The following PCDHA9 variants were observed in gnomAD, a reference collection of about 807,000 sequenced individuals.
PCDHA9 encodes protocadherin alpha-9.
A neutral mutation model predicts 62.0 loss-of-function variants in PCDHA9; 62 were observed. That is an observed-to-expected ratio of 1.00 (90% confidence interval 0.81 to 1.23). PCDHA9 has a LOEUF of 1.23. Ranked by LOEUF, PCDHA9 falls within the 50% of genes most tolerant of loss-of-function variation. The pLI is 0.00. For synonymous variants in PCDHA9, 557 were observed against 567.6 expected, an observed-to-expected ratio of 0.98 and a Z score of 0.27; for missense variants, 1,205 against 1,249.8, an observed-to-expected ratio of 0.96 and a Z score of 0.54.
At chr5:140,960,440 T>C (rs1304890095) in intron 1 of PCDHA9, among the ~76,000 whole-genome samples, 1 of 152,164 alleles carries the variant, frequency 6.6e-6, no homozygotes, top group Admixed American at 6.5e-5. Flanking sequence ...ACTCTAGATA[T>C]ATGTATGGAT....
At chr5:140,994,848 T>C (rs1453646097) in intron 3 of PCDHA9, among the ~76,000 whole-genome samples, 2 of 151,686 alleles carry the variant, frequency 1.3e-5, no homozygotes, top group East Asian at 3.9e-4. Flanking sequence ...ATAAGATGAG[T>C]GCATTTGATG....
At chr5:140,852,630 T>C in intron 1 of PCDHA9, 1 of 954,540 alleles carries the variant, frequency 1.0e-6, no homozygotes, top group Non-Finnish European at 1.3e-6. Context: ...GTCTCTGAGC[T>C]CCTGTCATTA....
At chr5:140,926,772 G>A in intron 1 of PCDHA9, 1 of 1,380,738 alleles carries the variant, frequency 7.2e-7, no homozygotes, top group Non-Finnish European at 9.4e-7. Context: ...CCAGCCCGCA[G>A]CAGTGACGGC....
intron 1 of PCDHA9, among the ~76,000 whole-genome samples, chr5:140,888,841 C>T (rs2062001270): frequency 1.3e-5 from 2 of 151,998 alleles, no homozygotes; most frequent in Admixed American, 1.3e-4. Flanking sequence ...CCACTGCAGC[C>T]TGGTGACAGA....
rs551967990 is a variant in PCDHA9 at position 140,858,294 on chromosome 5, C to G, written c.2394+7405C>G. ...AGCGCGGTGGGGAGCTGGTCTTACTCGCAGCAGAGGCGGCAGAGGGTGTGT... is the reference window on the plus strand; with the variant it reads ...AGCGCGGTGGGGAGCTGGTCTTACTGGCAGCAGAGGCGGCAGAGGGTGTGT... On this transcript the variant is annotated intron_variant, in intron 1 of 3. Transcript: ENST00000532602. 3 of 1,597,466 alleles carry G rather than the reference C, an allele frequency of 1.9e-6. No individual in the cohort carries two copies. The African/African-American group carries it at 4.0e-5, about 21-fold the overall frequency.
intron 1 of PCDHA9, among the ~76,000 whole-genome samples, chr5:140,941,207 CT>C (rs880001940): frequency 0.13 from 13,079 of 103,138 alleles, 665 homozygotes; most frequent in African/African-American, 0.21. Context: ...TTCTTCCTTT[CT>C]TTCTTCCTTT....
chr5:140,928,835 C>G (rs782027566), intron 1 of PCDHA9: 1 of 1,614,036 alleles, frequency 6.2e-7, no homozygotes, highest in African/African-American at 1.3e-5. Context: ...CCACTTTCCT[C>G]CTCTGTCACT....
At chr5:140,908,348 T>C (rs977122453) in intron 1 of PCDHA9, among the ~76,000 whole-genome samples, 43 of 152,160 alleles carry the variant, frequency 2.8e-4, no homozygotes, top group Non-Finnish European at 5.3e-4. Flanking sequence ...CACTACCTCA[T>C]GTAACTTACT....
At chr5:140,870,836 A>C in intron 1 of PCDHA9, 1 of 1,613,796 alleles carries the variant, frequency 6.2e-7, no homozygotes, top group Non-Finnish European at 8.5e-7. Flanking sequence ...GCAGTTAACA[A>C]GCTAGTACCG....
chr5:141,007,395 C>CAAAAAAA (rs35800918), intron 3 of PCDHA9, among the ~76,000 whole-genome samples: 1,149 of 94,062 alleles, frequency 0.012, no homozygotes, highest in African/African-American at 0.016. Flanking sequence ...TACTAAAATA[C>CAAAAAAA]AAAAAAAAAA....
At chr5:140,876,532 T>C in intron 1 of PCDHA9, 4 of 1,614,158 alleles carry the variant, frequency 2.5e-6, no homozygotes, top group Middle Eastern at 1.6e-4. Context: ...AATGGTTACT[T>C]CACTGTCGCT....
At chr5:140,878,264 T>G (rs577205816) in intron 1 of PCDHA9, among the ~76,000 whole-genome samples, 83 of 152,314 alleles carry the variant, frequency 5.4e-4, no homozygotes, top group African/African-American at 1.9e-3. Flanking sequence ...TGCTTAGGCT[T>G]TTAAAATAGC....
intron 3 of PCDHA9, among the ~76,000 whole-genome samples, chr5:141,003,476 C>G (rs555987176): frequency 1.3e-3 from 191 of 152,130 alleles, no homozygotes; most frequent in African/African-American, 4.3e-3. Context: ...CACAGTCTCG[C>G]TAATTTTTAT....
intron 1 of PCDHA9, among the ~76,000 whole-genome samples, chr5:140,907,337 A>G (rs2073315694): frequency 6.6e-6 from 1 of 152,210 alleles, no homozygotes; most frequent in Non-Finnish European, 1.5e-5. Flanking sequence ...TTCCATATGC[A>G]TGAGCCCGCT....
intron 1 of PCDHA9, chr5:140,882,232 T>C: frequency 1.9e-6 from 3 of 1,575,806 alleles, no homozygotes; most frequent in African/African-American, 1.4e-5. Context: ...AGGCGTTGTA[T>C]ATATTGCAGA....
At chr5:140,914,962 T>C (rs1301307235) in intron 1 of PCDHA9, among the ~76,000 whole-genome samples, 2 of 136,964 alleles carry the variant, frequency 1.5e-5, no homozygotes, top group Non-Finnish European at 3.2e-5. Flanking sequence ...TTTTTTTTTT[T>C]CTGAGTCAGA....
chr5:140,884,439 C>G (rs1554181562), intron 1 of PCDHA9: 2 of 1,613,818 alleles, frequency 1.2e-6, no homozygotes, highest in East Asian at 2.2e-5. Context: ...CTGCGGTGCT[C>G]GGCACCGCCC....
At chr5:140,865,421 T>C (rs2048870756) in intron 1 of PCDHA9, 1 of 152,208 alleles carries the variant, frequency 6.6e-6, no homozygotes, top group Non-Finnish European at 1.5e-5. Context: ...TAGTAGTGTC[T>C]ACCTAGAAAA....
chr5:140,998,243 C>T (rs1554256209), intron 3 of PCDHA9, among the ~76,000 whole-genome samples: 1 of 152,164 alleles, frequency 6.6e-6, no homozygotes, highest in Non-Finnish European at 1.5e-5. Context: ...CATTATTATA[C>T]TCATTTTACT....
Sources: allele counts gnomAD v4.1 joint callset (sites outside exome capture counted in the v4.1 genomes callset), GRCh38; gene constraint gnomAD v4.1.1; transcripts MANE v1.5; gene names NCBI Gene and HGNC (gene_info 2026-07-23, HGNC 2026-07-21).